FAM135A: variants seen among roughly 807,000 people sequenced by gnomAD.
FAM135A encodes family with sequence similarity 135 member A, also known as protein FAM135A.
In FAM135A, 79 loss-of-function variants were observed where a neutral mutation model predicts 146.8. That is an observed-to-expected ratio of 0.54 (90% CI 0.45 to 0.65). FAM135A has a LOEUF of 0.65. FAM135A is among the 30% of genes least tolerant of loss of function. The pLI is 0.00. For missense variants in FAM135A, 1,623 were observed against 1,758.2 expected (o/e 0.92, Z 1.38); for synonymous variants, 562 against 603.6 (o/e 0.93, Z 1.01).
chr6:70,443,145 T>A (rs569308644), intron 4 of FAM135A, among the ~76,000 whole-genome samples: 1 of 152,358 alleles, frequency 6.6e-6, no homozygotes, highest in South Asian at 2.1e-4. Flanking sequence ...TTGTGCCATT[T>A]TTGATCTCAC....
chr6:70,428,386 A>G lies in FAM135A; in HGVS notation c.44A>G (p.Asn15Ser). 1.2e-6 allele frequency: 2 copies of G among 1,604,528 alleles called. No homozygotes were observed. The highest frequency in any genetic ancestry group is 1.7e-6 in the Non-Finnish European group (2 of 1,175,720). ...QAMVEFSVEL[N>S]KFYNVDLFQR... ...ATGGTAGAATTCTCTGTGGAGCTAA[A>G]CAAGTTCTACAATGTGGATTTGTTT... Residue 15 changes from asparagine to serine, a missense_variant, in exon 4 of 22, where the codon AAC (asparagine) becomes AGC (serine). This residue lies in a region of FAM135A where 171 missense variants were observed against 164.9 expected (regional missense o/e 1.04). Transcript: ENST00000418814.
chr6:70,493,386 A>G (rs1786489518), intron 11 of FAM135A, among the ~76,000 whole-genome samples: 1 of 152,188 alleles, frequency 6.6e-6, no homozygotes. Context: ...TTTTCTTTAC[A>G]TGCGTCTATA....
At chr6:70,434,401 T>TTC (rs1772471563) in intron 4 of FAM135A, among the ~76,000 whole-genome samples, 1 of 152,240 alleles carries the variant, frequency 6.6e-6, no homozygotes, top group Non-Finnish European at 1.5e-5. Flanking sequence ...GTCAGTGCTA[T>TTC]TCTCAGTAGC....
intron 18 of FAM135A, among the ~76,000 whole-genome samples, chr6:70,534,062 G>A (rs548337230): frequency 6.6e-6 from 1 of 152,136 alleles, no homozygotes; most frequent in East Asian, 1.9e-4. Context: ...ATAGGTTAGT[G>A]TTTGCTTAGA....
intron 2 of FAM135A, among the ~76,000 whole-genome samples, chr6:70,422,781 T>G (rs888089276): frequency 1.3e-5 from 2 of 152,200 alleles, no homozygotes; most frequent in Non-Finnish European, 2.9e-5. Flanking sequence ...TAATGCTAAT[T>G]TATTTTTCCT....
intron 20 of FAM135A, among the ~76,000 whole-genome samples, chr6:70,548,704 C>A (rs1014098305): frequency 6.7e-6 from 1 of 150,268 alleles, no homozygotes; most frequent in African/African-American, 2.4e-5. Context: ...ATATAGAAAT[C>A]TTTTAAAAAT....
intron 4 of FAM135A, among the ~76,000 whole-genome samples, chr6:70,446,890 T>C (rs1484593190): frequency 6.6e-6 from 1 of 152,268 alleles, no homozygotes; most frequent in Non-Finnish European, 1.5e-5. Flanking sequence ...CTTTGAGGGC[T>C]ATATAATTGT....
At chr6:70,517,021 G>C (rs1473367658) in intron 12 of FAM135A, among the ~76,000 whole-genome samples, 1 of 152,098 alleles carries the variant, frequency 6.6e-6, no homozygotes, top group East Asian at 1.9e-4. Context: ...TACTTGATCT[G>C]ATATTCTTTG....
chr6:70,419,995 CTT>C (rs1159698462), intron 2 of FAM135A, among the ~76,000 whole-genome samples: 1 of 152,146 alleles, frequency 6.6e-6, no homozygotes, highest in Non-Finnish European at 1.5e-5. Context: ...CTGTAGGCGA[CTT>C]TTGCCTTATG....
intron 4 of FAM135A, among the ~76,000 whole-genome samples, chr6:70,449,492 CATT>C (rs1404497537): frequency 6.6e-6 from 1 of 152,146 alleles, no homozygotes; most frequent in Admixed American, 6.5e-5. Context: ...ATGTAAGTGA[CATT>C]ATACATTATT....
intron 4 of FAM135A, among the ~76,000 whole-genome samples, chr6:70,444,318 G>T (rs571375885): frequency 6.6e-6 from 1 of 152,258 alleles, no homozygotes; most frequent in Non-Finnish European, 1.5e-5. Flanking sequence ...CATGAGAATT[G>T]CTTGAACCTG....
At chr6:70,494,371 T>C (rs1786744524) in intron 11 of FAM135A, among the ~76,000 whole-genome samples, 1 of 151,918 alleles carries the variant, frequency 6.6e-6, no homozygotes, top group South Asian at 2.1e-4. Flanking sequence ...GGCACACAAT[T>C]GTAGTCCCAG....
chr6:70,450,274 G>A (rs547734959), intron 4 of FAM135A, among the ~76,000 whole-genome samples: 2 of 151,958 alleles, frequency 1.3e-5, no homozygotes, highest in African/African-American at 2.4e-5. Flanking sequence ...TTAATTTGGC[G>A]TAATCTTATT....
intron 11 of FAM135A, among the ~76,000 whole-genome samples, chr6:70,501,759 A>G (rs745531756): frequency 2.6e-5 from 4 of 151,966 alleles, no homozygotes; most frequent in South Asian, 4.2e-4. Flanking sequence ...GTAACGCCCC[A>G]CCCTGCTTCT....
intron 20 of FAM135A, among the ~76,000 whole-genome samples, chr6:70,542,946 A>G (rs1798206146): frequency 2.0e-5 from 3 of 151,800 alleles, no homozygotes; most frequent in Admixed American, 6.6e-5. Flanking sequence ...TTATATATCA[A>G]CCTTTTACCA....
chr6:70,496,740 G>A (rs548961055), intron 11 of FAM135A, among the ~76,000 whole-genome samples: 16 of 151,490 alleles, frequency 1.1e-4, no homozygotes, highest in African/African-American at 3.4e-4. Context: ...AGTTTTCCCA[G>A]CACCATTTAT....
chr6:70,525,942 G>T lies in FAM135A; in HGVS notation c.2858G>T (p.Ser953Ile). The change falls in exon 15 of 22, where the codon AGT becomes ATT. Residue 953 changes from serine (S) to isoleucine (I), a missense_variant. By Grantham distance (142) the Ser-to-Ile change is moderately radical (BLOSUM62 -2). Around this residue, in one of 7 missense-constraint regions of FAM135A, gnomAD observed 1,061 missense variants for 1,113.8 expected, o/e 0.95. Transcript: ENST00000418814. ...GATACTATGTGTAAAGGCTTCCAGA[G>T]TCCTGATAAATCTAATAACTCTACA... ...NLDTMCKGFQ[S>I]PDKSNNSTGT... is the part of the protein sequence containing the mutation. 1 of 1,613,392 alleles carries T rather than the reference G, an allele frequency of 6.2e-7. No homozygotes were observed. The highest frequency in any genetic ancestry group is 8.5e-7 in the Non-Finnish European group (1 of 1,179,616).
intron 10 of FAM135A, among the ~76,000 whole-genome samples, chr6:70,490,699 A>G (rs920647008): frequency 3.3e-5 from 5 of 152,080 alleles, no homozygotes; most frequent in Admixed American, 3.3e-4. Flanking sequence ...ACTAAACTGT[A>G]CTGGAAATTA....
chr6:70,460,710 G>C (rs553796590), intron 5 of FAM135A, among the ~76,000 whole-genome samples: 32 of 152,124 alleles, frequency 2.1e-4, no homozygotes, highest in African/African-American at 7.0e-4. Flanking sequence ...TTATGAGATG[G>C]GAAACATGAA....
Sources: gnomAD v4.1 joint callset for allele counts (sites outside exome capture counted in the v4.1 genomes callset) on GRCh38, gnomAD v4.1.1 for gene constraint, gnomAD v4.1.1 regional missense constraint, MANE v1.5 for transcripts, NCBI Gene and HGNC (gene_info 2026-07-23, HGNC 2026-07-21) for gene names.